CHST9: variants seen among roughly 807,000 people sequenced by gnomAD.
CHST9 encodes GalNAc-4-sulfotransferase 2.
CHST9 carries 41 observed loss-of-function variants against 44.4 expected under a neutral mutation model. The ratio of observed to expected loss-of-function variants is 0.92; its 90% CI spans 0.72 to 1.20. The LOEUF is 1.20. Among genes scored for constraint, CHST9 ranks in the 50% most tolerant of loss-of-function variants. CHST9 has a pLI of 0.00. For missense variants in CHST9, 504 were observed against 516.5 expected (o/e 0.98, Z 0.23); for synonymous variants, 171 against 178.4 (o/e 0.96, Z 0.33).
intron 2 of CHST9, among the ~76,000 whole-genome samples, chr18:27,123,244 A>G (rs116128691): frequency 0.011 from 1,608 of 152,270 alleles, 24 homozygotes; most frequent in African/African-American, 0.034. Context: ...AGATGGAGCT[A>G]AGCTGAAACT....
chr18:27,027,636 G>A (rs369899891), intron 3 of CHST9, among the ~76,000 whole-genome samples: 2 of 152,132 alleles, frequency 1.3e-5, no homozygotes, highest in Non-Finnish European at 2.9e-5. Context: ...TGCTGAGTGC[G>A]TTATGTGAAC....
intron 4 of CHST9, among the ~76,000 whole-genome samples, chr18:27,014,712 T>C (rs547357064): frequency 6.8e-4 from 103 of 152,246 alleles, no homozygotes; most frequent in Non-Finnish European, 1.2e-3. Flanking sequence ...CAGTGATTGA[T>C]TGAAAAATAT....
chr18:26,917,297 T>A lies in CHST9; in HGVS notation c.294A>T (p.Leu98=). The change falls in exon 6 of 6, where the codon CTA becomes CTT. Residue 98 remains leucine (L), a synonymous_variant. Transcript: ENST00000618847. The part of the protein sequence containing the change: ...EDVREKKENL[L]LNSERSTRLL... ...GCCTAGTAGATCTCTCAGAATTGAG[T>A]AGAAGATTTTCCTTTTTTTCTCGTA... The A allele has an allele frequency of 6.2e-7, 1 of 1,612,940 alleles. No homozygotes were observed. Among genetic ancestry groups the A allele is most frequent in the Non-Finnish European group, 8.5e-7 (1 of 1,179,580 alleles).
At chr18:26,974,140 C>T (rs1399339151) in intron 4 of CHST9, among the ~76,000 whole-genome samples, 1 of 152,212 alleles carries the variant, frequency 6.6e-6, no homozygotes, top group Non-Finnish European at 1.5e-5. Flanking sequence ...TGACCTATAA[C>T]AACTCAGGGA....
chr18:27,082,539 C>T (rs922590997), intron 2 of CHST9, among the ~76,000 whole-genome samples: 1 of 152,166 alleles, frequency 6.6e-6, no homozygotes. Context: ...CTTGCCTCAA[C>T]ACTGTGCACA....
At chr18:27,024,929 G>A (rs2057268183) in intron 3 of CHST9, among the ~76,000 whole-genome samples, 1 of 151,848 alleles carries the variant, frequency 6.6e-6, no homozygotes, top group South Asian at 2.1e-4. Context: ...GTCACCTATG[G>A]GGAGAGAAGA....
intron 1 of CHST9, among the ~76,000 whole-genome samples, chr18:27,157,674 C>T (rs141531309): frequency 0.012 from 1,773 of 152,066 alleles, 28 homozygotes; most frequent in African/African-American, 0.037. Context: ...CATTAAAATT[C>T]CAAAGTAACT....
chr18:26,964,189 A>T (rs1268801724), intron 4 of CHST9, among the ~76,000 whole-genome samples: 1 of 152,198 alleles, frequency 6.6e-6, no homozygotes, highest in Non-Finnish European at 1.5e-5. Flanking sequence ...AATCCATATA[A>T]TTTCCTTTAT....
chr18:27,040,830 A>T (rs1042878371), intron 3 of CHST9, among the ~76,000 whole-genome samples: 9 of 152,176 alleles, frequency 5.9e-5, no homozygotes, highest in African/African-American at 2.2e-4. Flanking sequence ...TTTCTTGGTT[A>T]GAAATAAGCA....
chr18:27,057,136 C>T (rs888257208), intron 2 of CHST9, among the ~76,000 whole-genome samples: 2 of 152,176 alleles, frequency 1.3e-5, no homozygotes, highest in Non-Finnish European at 2.9e-5. Flanking sequence ...TTGTTCTCTT[C>T]CACAATTGGT....
chr18:27,177,186 C>T (rs562009304), intron 1 of CHST9, among the ~76,000 whole-genome samples: 143 of 151,816 alleles, frequency 9.4e-4, no homozygotes, highest in African/African-American at 3.4e-3. Flanking sequence ...GTCACTAACA[C>T]CTAAGCATTT....
chr18:27,006,070 A>C (rs145077644), intron 4 of CHST9, among the ~76,000 whole-genome samples: 99 of 152,302 alleles, frequency 6.5e-4, no homozygotes, highest in African/African-American at 2.2e-3. Flanking sequence ...CTGTACCACC[A>C]TAGTCTTACT....
chr18:26,922,735 C>T (rs1191855139), intron 5 of CHST9, among the ~76,000 whole-genome samples: 2 of 151,892 alleles, frequency 1.3e-5, no homozygotes, highest in African/African-American at 4.8e-5. Context: ...TCCTGGGTTC[C>T]AGCAATTCTT....
At chr18:27,101,693 C>T (rs2058174398) in intron 2 of CHST9, among the ~76,000 whole-genome samples, 1 of 152,118 alleles carries the variant, frequency 6.6e-6, no homozygotes, top group African/African-American at 2.4e-5. Flanking sequence ...CATCTCTGCT[C>T]TCAGAATTAC....
rs192114221 is a variant in CHST9 at position 26,950,684 on chromosome 18, G to A, written c.203-6318C>T. On this transcript the variant is annotated intron_variant, in intron 4 of 5. Coordinates refer to ENST00000618847, the MANE Select transcript of CHST9 (RefSeq NM_031422.6). ...GGAGCTAAGCTATGAGGATGCAAAG[G>A]TGTAGAAATGATGTAATGGACTTGA... Among the ~76,000 whole-genome samples the A allele has an allele frequency of 4.0e-3, 613 of 152,268 alleles. 6 individuals are homozygous for A. The highest frequency in any genetic ancestry group is 8.4e-3 in the Admixed American group (129 of 15,284).
chr18:27,035,262 T>C (rs1397574396), intron 3 of CHST9, among the ~76,000 whole-genome samples: 3 of 152,214 alleles, frequency 2.0e-5, no homozygotes, highest in African/African-American at 4.8e-5. Flanking sequence ...TTAGTGGTGT[T>C]GAATATATTT....
chr18:27,064,009 A>C (rs972584789), intron 2 of CHST9, among the ~76,000 whole-genome samples: 1 of 152,122 alleles, frequency 6.6e-6, no homozygotes, highest in Non-Finnish European at 1.5e-5. Context: ...GGGACATCTA[A>C]CAGGTATCCT....
chr18:27,058,818 AGCCACAAAACT>A (rs2057688238), intron 2 of CHST9, among the ~76,000 whole-genome samples: 1 of 152,184 alleles, frequency 6.6e-6, no homozygotes, highest in Admixed American at 6.5e-5. Context: ...CAAATCCCTA[AGCCACAAAACT>A]GCAAGCAAAA....
At chr18:26,959,304 G>A (rs1267985168) in intron 4 of CHST9, among the ~76,000 whole-genome samples, 1 of 152,144 alleles carries the variant, frequency 6.6e-6, no homozygotes, top group South Asian at 2.1e-4. Context: ...AATCGACACT[G>A]AAGACCACTA....
Sources: allele counts gnomAD v4.1 joint callset (sites outside exome capture counted in the v4.1 genomes callset), GRCh38; gene constraint gnomAD v4.1.1; transcripts MANE v1.5; gene names NCBI Gene and HGNC (gene_info 2026-07-23, HGNC 2026-07-21).